The following WWOX variants were observed in gnomAD, a reference collection of about 807,000 sequenced individuals.
The protein encoded by WWOX is WW domain containing oxidoreductase.
WWOX carries 69 observed loss-of-function variants against 46.2 expected under a neutral mutation model. That is an observed-to-expected ratio of 1.49 (90% CI 1.23 to 1.82). The LOEUF (loss-of-function observed/expected upper bound fraction) is 1.82, where lower values mean the gene tolerates loss of function less well. Ranked by LOEUF, WWOX falls within the 40% of genes most tolerant of loss-of-function variation. The pLI, the probability that WWOX is intolerant of heterozygous loss-of-function variation, is 0.00. For synonymous variants in WWOX, 359 were observed against 202.6 expected, an observed-to-expected ratio of 1.77 and a Z score of -6.56; for missense variants, 919 against 542.6, an observed-to-expected ratio of 1.69 and a Z score of -6.89.
chr16:78,782,114 T>G lies in WWOX; in HGVS notation c.1056+349362T>G, dbSNP rs148901597. ...AAGCTGTTACATTTGGCAGCAAATG[T>G]AAATCACCACCTTCACTGGCTTTAA... On this transcript the variant is annotated intron_variant, in intron 8 of 8. Coordinates refer to ENST00000566780, the MANE Select transcript of WWOX (RefSeq NM_016373.4). 4.4e-4 allele frequency among the ~76,000 whole-genome samples: 67 copies of G among 152,244 alleles called. 2 individuals are homozygous for G. In the East Asian group the frequency reaches 0.013, roughly 29 times the overall value.
chr16:78,716,152 C>T (rs77102088), intron 8 of WWOX, among the ~76,000 whole-genome samples: 7,973 of 151,904 alleles, frequency 0.052, 335 homozygotes, highest in Non-Finnish European at 0.069. Flanking sequence ...GAATTTTGGG[C>T]ACAGAGACAG....
chr16:78,230,779 G>C (rs138951075), intron 5 of WWOX, among the ~76,000 whole-genome samples: 102 of 152,362 alleles, frequency 6.7e-4, no homozygotes, highest in Non-Finnish European at 1.3e-3. Flanking sequence ...GCAGCTAGGA[G>C]TATAGACTAG....
chr16:78,756,282 C>G (rs2049644097), intron 8 of WWOX, among the ~76,000 whole-genome samples: 1 of 151,960 alleles, frequency 6.6e-6, no homozygotes, highest in South Asian at 2.1e-4. Flanking sequence ...CAGTTTTGTT[C>G]ACTGTCAAAA....
intron 8 of WWOX, among the ~76,000 whole-genome samples, chr16:78,768,279 T>TAAAAAAAAAAAAAA (rs56280651): frequency 1.3e-4 from 12 of 91,958 alleles, no homozygotes; most frequent in African/African-American, 4.4e-4. Context: ...ATAGATGAGT[T>TAAAAAAAAAAAAAA]AAAAAAAAAA....
chr16:78,106,909 G>A (rs2032182873), intron 1 of WWOX, among the ~76,000 whole-genome samples: 1 of 152,182 alleles, frequency 6.6e-6, no homozygotes, highest in Non-Finnish European at 1.5e-5. Context: ...GCTGGACTCA[G>A]CTAGCATGGG....
intron 8 of WWOX, chr16:78,825,769 C>A: frequency 1.7e-6 from 1 of 593,760 alleles, no homozygotes; most frequent in Admixed American, 2.2e-5. Flanking sequence ...ACCATGTTAA[C>A]TAGTACATTG....
intron 8 of WWOX, among the ~76,000 whole-genome samples, chr16:78,833,171 A>G (rs1018350551): frequency 2.0e-5 from 3 of 151,890 alleles, no homozygotes; most frequent in Admixed American, 1.3e-4. Context: ...CCTGCCAAGT[A>G]TCTGGGACTA....
At chr16:78,577,728 A>G (rs957591879) in intron 8 of WWOX, among the ~76,000 whole-genome samples, 34 of 152,174 alleles carry the variant, frequency 2.2e-4, no homozygotes, top group Non-Finnish European at 3.2e-4. Flanking sequence ...TTGACACTCT[A>G]TTTGACCACA....
intron 4 of WWOX, among the ~76,000 whole-genome samples, chr16:78,118,656 C>T (rs927415616): frequency 5.3e-5 from 8 of 152,130 alleles, no homozygotes; most frequent in East Asian, 3.9e-4. Flanking sequence ...TCATCTAGCT[C>T]GCAAAACTGT....
intron 8 of WWOX, among the ~76,000 whole-genome samples, chr16:78,440,178 C>G (rs570705592): frequency 2.6e-5 from 4 of 152,222 alleles, no homozygotes; most frequent in African/African-American, 9.6e-5. Flanking sequence ...TAATAGTTTT[C>G]TCATTAATCA....
intron 8 of WWOX, among the ~76,000 whole-genome samples, chr16:78,531,701 G>A (rs935008010): frequency 6.6e-6 from 1 of 151,814 alleles, no homozygotes; most frequent in African/African-American, 2.4e-5. Context: ...AAATTTTTTT[G>A]TATTTTGGGA....
chr16:78,850,487 G>A (rs975157546), intron 8 of WWOX, among the ~76,000 whole-genome samples: 1 of 152,148 alleles, frequency 6.6e-6, no homozygotes, highest in Non-Finnish European at 1.5e-5. Context: ...CAATAACTGG[G>A]AATTTATACC....
intron 8 of WWOX, among the ~76,000 whole-genome samples, chr16:78,709,263 C>T (rs1189065146): frequency 6.6e-6 from 1 of 152,166 alleles, no homozygotes; most frequent in Non-Finnish European, 1.5e-5. Context: ...TCTCTGCCTG[C>T]GGGAGACAAA....
intron 8 of WWOX, among the ~76,000 whole-genome samples, chr16:79,124,957 A>G (rs1229793990): frequency 6.6e-6 from 1 of 152,092 alleles, no homozygotes; most frequent in Non-Finnish European, 1.5e-5. Flanking sequence ...GAGAGAGTTA[A>G]TGATTTTCTC....
chr16:78,444,369 T>C (rs1025745722), intron 8 of WWOX, among the ~76,000 whole-genome samples: 2 of 151,988 alleles, frequency 1.3e-5, no homozygotes, highest in Non-Finnish European at 2.9e-5. Flanking sequence ...AATAGAACAG[T>C]TTAACTTGAA....
chr16:78,669,037 C>G (rs933099657), intron 8 of WWOX, among the ~76,000 whole-genome samples: 1 of 152,168 alleles, frequency 6.6e-6, no homozygotes, highest in Non-Finnish European at 1.5e-5. Flanking sequence ...CTGAATAATA[C>G]AGAAGTGACC....
At chr16:78,665,454 C>CT (rs2047308650) in intron 8 of WWOX, among the ~76,000 whole-genome samples, 1 of 152,146 alleles carries the variant, frequency 6.6e-6, no homozygotes, top group South Asian at 2.1e-4. Flanking sequence ...GAAGGCCGTA[C>CT]TTTCCTGACA....
chr16:78,331,754 T>A (rs1405899613), intron 5 of WWOX, among the ~76,000 whole-genome samples: 2 of 152,208 alleles, frequency 1.3e-5, no homozygotes, highest in East Asian at 3.8e-4. Context: ...GGTTTGTCCA[T>A]ATTAATAGTA....
intron 8 of WWOX, among the ~76,000 whole-genome samples, chr16:78,617,236 A>G (rs2046047864): frequency 6.6e-6 from 1 of 151,996 alleles, no homozygotes. Flanking sequence ...ACACGGTGAA[A>G]CTAAGAATAG....
Sources: allele counts gnomAD v4.1 joint callset (sites outside exome capture counted in the v4.1 genomes callset), GRCh38; gene constraint gnomAD v4.1.1; transcripts MANE v1.5; gene names NCBI Gene and HGNC (gene_info 2026-07-23, HGNC 2026-07-21).